RYR2: variants seen among roughly 807,000 people sequenced by gnomAD.
The protein encoded by RYR2 is cardiac muscle ryanodine receptor-calcium release channel.
In RYR2, 227 loss-of-function variants were observed where a neutral mutation model predicts 601.1. That is an observed-to-expected ratio of 0.38 (90% CI 0.34 to 0.42). RYR2 has a LOEUF of 0.42. Ranked by LOEUF, RYR2 falls within the 10% of genes least tolerant of loss-of-function variation. The pLI is 1.00. For missense variants in RYR2, 4,646 were observed against 6,156.5 expected, an observed-to-expected ratio of 0.75 and a Z score of 8.21; for synonymous variants, 2,223 against 2,175.1, an observed-to-expected ratio of 1.02 and a Z score of -0.61.
chr1:237,723,593 T>C (rs892098212), intron 74 of RYR2, among the ~76,000 whole-genome samples: 1 of 152,202 alleles, frequency 6.6e-6, no homozygotes, highest in Non-Finnish European at 1.5e-5. Context: ...AAATACTTTA[T>C]GCATACTTCA....
At chr1:237,340,814 G>A (rs1009630408) in intron 3 of RYR2, among the ~76,000 whole-genome samples, 1 of 152,274 alleles carries the variant, frequency 6.6e-6, no homozygotes, top group Admixed American at 6.5e-5. Flanking sequence ...AATTGATGCA[G>A]TGATGTAATG....
At position 237,827,627 on chromosome 1, in the gene RYR2, C is replaced by CAA. The variant is rs55896893; in HGVS notation, c.14591-732_14591-731dup. Among the ~76,000 whole-genome samples, 478 of 79,152 alleles carry CAA rather than the reference C, an allele frequency of 6.0e-3. 6 individuals are homozygous for CAA. The highest frequency in any genetic ancestry group is 8.1e-3 in the South Asian group (19 of 2,336). 51.9% of individuals were successfully genotyped at this position (79,152 alleles called of 152,430 possible). A position where few individuals can be genotyped will look rare whatever the true frequency, so the allele number is the denominator to read the frequency against. On this transcript the variant is annotated intron_variant, in intron 101 of 104. Coordinates refer to ENST00000366574, the MANE Select transcript of RYR2 (RefSeq NM_001035.3). The stretch of plus-strand genomic sequence containing the variant: ...CCTGGGTGACAGAGCAAGACTGTCT[C>CAA]AAAAAAAAAAAAAAAAAAAAAAATG...
Position 237,819,546 on chromosome 1 carries a change from C to T in RYR2, c.14590+354C>T, listed in dbSNP as rs777453225. On this transcript the variant is annotated intron_variant, in intron 101 of 104. Coordinates refer to ENST00000366574, the MANE Select transcript of RYR2 (RefSeq NM_001035.3). This position sits in a 1 kb window ranked among gnomAD's most constrained non-coding sequence, Gnocchi z 4.0. Reference sequence around the variant, plus strand: ...TTTAAACTTCTAAGCCAGCTGGGTGCGGTGGCTCATGCCTGTAATCCAAGC... The same window carrying T: ...TTTAAACTTCTAAGCCAGCTGGGTGTGGTGGCTCATGCCTGTAATCCAAGC... Among the ~76,000 whole-genome samples, 10 of 152,110 alleles carry T rather than the reference C, an allele frequency of 6.6e-5. No homozygotes were observed. Among genetic ancestry groups the T allele is most frequent in the Non-Finnish European group, 1.2e-4 (8 of 68,004 alleles).
intron 1 of RYR2, among the ~76,000 whole-genome samples, chr1:237,262,245 G>GTTGTTTTTTT (rs1688599609): frequency 1.6e-5 from 1 of 61,106 alleles, no homozygotes; most frequent in East Asian, 1.0e-3. Context: ...GTTCTAAAGA[G>GTTGTTTTTTT]TTTTTTTTTT....
intron 1 of RYR2, among the ~76,000 whole-genome samples, chr1:237,208,962 A>ATATATATGTG (rs1682173044): frequency 3.8e-5 from 4 of 103,924 alleles, no homozygotes; most frequent in African/African-American, 1.3e-4. Context: ...ATATATATAT[A>ATATATATGTG]TATATATATA....
chr1:237,435,118 G>A lies in RYR2; in HGVS notation c.1006-6201G>A, dbSNP rs190914056. Among the ~76,000 whole-genome samples, 435 of 152,150 alleles carry A rather than the reference G, an allele frequency of 2.9e-3. 4 individuals are homozygous for A. The highest frequency in any genetic ancestry group is 9.4e-3 in the African/African-American group (390 of 41,502). ...CATTTTTACTATATTATTTTTATCT[G>A]GATTTTTTATTTTTCATTCAGAATA... On this transcript the variant is annotated intron_variant, in intron 12 of 104. Transcript: ENST00000366574.
At chr1:237,710,311 A>C (rs1362403228) in intron 70 of RYR2, among the ~76,000 whole-genome samples, 1 of 152,198 alleles carries the variant, frequency 6.6e-6, no homozygotes, top group Non-Finnish European at 1.5e-5. Context: ...GAGACAAAGA[A>C]AATAAAAATT....
At chr1:237,643,757 C>T (rs1290284819) in intron 48 of RYR2, among the ~76,000 whole-genome samples, 3 of 151,838 alleles carry the variant, frequency 2.0e-5, no homozygotes, top group East Asian at 1.9e-4. Context: ...GGACTACAGG[C>T]GCCCGTCACC....
chr1:237,797,764 G>A (rs763085996), intron 96 of RYR2, among the ~76,000 whole-genome samples: 1 of 152,128 alleles, frequency 6.6e-6, no homozygotes, highest in African/African-American at 2.4e-5. Flanking sequence ...CATTTCTTAT[G>A]CTTTTATTTC....
chr1:237,532,809 A>T (rs940044109), intron 25 of RYR2, among the ~76,000 whole-genome samples: 6 of 152,198 alleles, frequency 3.9e-5, no homozygotes, highest in Admixed American at 3.9e-4. Context: ...TCTATCTGTT[A>T]TAAAATCTAA....
At chr1:237,683,805 G>C (rs1232920469) in intron 62 of RYR2, among the ~76,000 whole-genome samples, 2 of 152,174 alleles carry the variant, frequency 1.3e-5, no homozygotes, top group Non-Finnish European at 2.9e-5. Flanking sequence ...TGATGAGAGT[G>C]GGAGAGTTGG....
intron 1 of RYR2, among the ~76,000 whole-genome samples, chr1:237,185,138 C>G (rs1440144119): frequency 6.6e-6 from 1 of 151,994 alleles, no homozygotes; most frequent in East Asian, 1.9e-4. Flanking sequence ...ATAGTTGGTA[C>G]TACAGGCGTA....
At chr1:237,326,522 A>C (rs888689480) in intron 2 of RYR2, among the ~76,000 whole-genome samples, 33 of 152,206 alleles carry the variant, frequency 2.2e-4, no homozygotes, top group Non-Finnish European at 7.3e-5. Flanking sequence ...AATGTGTAAG[A>C]GGCGGGTAGG....
At chr1:237,314,057 G>T (rs1444443097) in intron 2 of RYR2, among the ~76,000 whole-genome samples, 4 of 119,552 alleles carry the variant, frequency 3.3e-5, no homozygotes, top group East Asian at 2.7e-4. Context: ...GTTTCAACAT[G>T]AATTTCTTTT....
chr1:237,656,114 C>T, intron 53 of RYR2, 130 bp downstream of exon 53: 1 of 667,806 alleles, frequency 1.5e-6, no homozygotes, highest in East Asian at 3.1e-5. Flanking sequence ...TAATAGGGGT[C>T]CCTTTAATTT....
At chr1:237,809,369 T>C (rs577779059) in intron 100 of RYR2, among the ~76,000 whole-genome samples, 2 of 152,366 alleles carry the variant, frequency 1.3e-5, no homozygotes, top group African/African-American at 4.8e-5. Context: ...TTGGAAGCCT[T>C]AGTTTTTTGT....
At chr1:237,061,794 G>T (rs563106207) in intron 1 of RYR2, among the ~76,000 whole-genome samples, 1 of 151,680 alleles carries the variant, frequency 6.6e-6, no homozygotes, top group Non-Finnish European at 1.5e-5. Context: ...TTTAAATCAT[G>T]GTTTGTGGTT....
At chr1:237,408,226 A>G (rs1463536516) in intron 10 of RYR2, among the ~76,000 whole-genome samples, 1 of 151,848 alleles carries the variant, frequency 6.6e-6, no homozygotes, top group East Asian at 1.9e-4. Flanking sequence ...TTTTGACCTA[A>G]ATTTAGTGGA....
intron 2 of RYR2, among the ~76,000 whole-genome samples, chr1:237,288,760 G>A (rs1205400536): frequency 6.6e-6 from 1 of 152,052 alleles, no homozygotes; most frequent in African/African-American, 2.4e-5. Flanking sequence ...AAATAAAAGG[G>A]CTTGGTTCCT....
Sources: gnomAD v4.1 joint callset for allele counts (sites outside exome capture counted in the v4.1 genomes callset) on GRCh38, gnomAD v4.1.1 for gene constraint, Gnocchi (gnomAD v3.1) non-coding constraint, MANE v1.5 for transcripts, NCBI Gene and HGNC (gene_info 2026-07-23, HGNC 2026-07-21) for gene names.